FBXO17: variants seen among roughly 807,000 people sequenced by gnomAD.
The protein encoded by FBXO17 is F-box protein 17.
In FBXO17, 43 loss-of-function variants were observed where a neutral mutation model predicts 34.1. That is an observed-to-expected ratio of 1.26 (90% CI 0.99 to 1.62). The LOEUF is 1.62. Among genes scored for constraint, FBXO17 ranks in the 40% most tolerant of loss-of-function variants. The probability of loss-of-function intolerance (pLI) is 0.00; values close to 1 mark genes in which losing one functional copy is unlikely to be tolerated. For missense variants in FBXO17, 424 were observed against 386.7 expected (o/e 1.10, Z -0.81); for synonymous variants, 169 against 166.0 (o/e 1.02, Z -0.14).
At chr19:38,954,418 T>A (rs959571707) in intron 1 of FBXO17, among the ~76,000 whole-genome samples, 1 of 149,704 alleles carries the variant, frequency 6.7e-6, no homozygotes, top group East Asian at 2.0e-4. Context: ...TACAGGCCTC[T>A]GCCACCACGC....
intron 1 of FBXO17, among the ~76,000 whole-genome samples, chr19:38,954,043 A>G (rs1430386761): frequency 6.6e-6 from 1 of 152,084 alleles, no homozygotes; most frequent in African/African-American, 2.4e-5. Context: ...GACAGGAGGA[A>G]GGAGGGGATC....
chr19:38,950,415 G>T (rs1975065936), intron 1 of FBXO17, 79 bp from the exon 2 acceptor site: 1 of 1,381,020 alleles, frequency 7.2e-7, no homozygotes, highest in East Asian at 3.0e-5. Flanking sequence ...AGGGCGCAAG[G>T]CCCCTGCTGC....
At chr19:38,964,662 G>A (rs1051465833) in intron 1 of FBXO17, among the ~76,000 whole-genome samples, 2 of 152,082 alleles carry the variant, frequency 1.3e-5, no homozygotes, top group African/African-American at 2.4e-5. Context: ...AGCTACTCGG[G>A]AGGCTGAGGT....
chr19:38,957,560 G>A (rs187243630), intron 1 of FBXO17, among the ~76,000 whole-genome samples: 3 of 152,272 alleles, frequency 2.0e-5, no homozygotes, highest in African/African-American at 7.2e-5. Flanking sequence ...TGGCCAGGCT[G>A]GTCTTGAATG....
At chr19:38,952,002 G>A in intron 1 of FBXO17, among the ~76,000 whole-genome samples, 1 of 150,128 alleles carries the variant, frequency 6.7e-6, no homozygotes, top group Non-Finnish European at 1.5e-5. Flanking sequence ...CCAGGCTGGA[G>A]TGCAGTGGCA....
chr19:38,962,190 C>CAA (rs1186919438), intron 1 of FBXO17, among the ~76,000 whole-genome samples: 17 of 132,518 alleles, frequency 1.3e-4, no homozygotes, highest in African/African-American at 4.1e-4. Context: ...AACTTCGTCT[C>CAA]AAAAAAAAAA....
chr19:38,960,328 T>C (rs1233897994), intron 1 of FBXO17, among the ~76,000 whole-genome samples: 1 of 151,484 alleles, frequency 6.6e-6, no homozygotes, highest in Non-Finnish European at 1.5e-5. Context: ...TGGGATCAGC[T>C]ATGCGGTCCT....
intron 1 of FBXO17, among the ~76,000 whole-genome samples, chr19:38,957,486 C>T (rs1450400505): frequency 6.6e-6 from 1 of 152,172 alleles, no homozygotes; most frequent in African/African-American, 2.4e-5. Context: ...GCTGGGATTA[C>T]AGGCACCTGC....
At chr19:38,950,387 C>T (rs993784271) in intron 1 of FBXO17, 51 bp from the exon 2 acceptor site, 28 of 1,390,068 alleles carry the variant, frequency 2.0e-5, no homozygotes, top group Admixed American at 3.5e-5. Flanking sequence ...AGGCCACCCC[C>T]TCCCTACCTT....
At chr19:38,954,943 A>G (rs1299950834) in intron 1 of FBXO17, among the ~76,000 whole-genome samples, 1 of 109,732 alleles carries the variant, frequency 9.1e-6, no homozygotes, top group African/African-American at 3.5e-5. Context: ...TATTATTATT[A>G]TTTTTGAGAC....
chr19:38,964,766 C>CAAAGAAAAAAAGA (rs1173541826), intron 1 of FBXO17, among the ~76,000 whole-genome samples: 12 of 151,362 alleles, frequency 7.9e-5, no homozygotes, highest in Admixed American at 2.0e-4. Flanking sequence ...GACCCCATTT[C>CAAAGAAAAAAAGA]AAAGAAAAAA....
intron 1 of FBXO17, among the ~76,000 whole-genome samples, chr19:38,974,978 T>C (rs1237194494): frequency 6.6e-6 from 1 of 152,194 alleles, no homozygotes; most frequent in Admixed American, 6.5e-5. Context: ...TTTCAAAATA[T>C]GGAGTAAATA....
chr19:38,974,702 G>A (rs1335108052), intron 1 of FBXO17, among the ~76,000 whole-genome samples: 1 of 152,026 alleles, frequency 6.6e-6, no homozygotes, highest in East Asian at 1.9e-4. Flanking sequence ...AGATACCAGA[G>A]GAATAAAAAG....
At chr19:38,966,321 G>GTGTGTGTGTGTGT (rs1568445631) in intron 1 of FBXO17, among the ~76,000 whole-genome samples, 13 of 149,566 alleles carry the variant, frequency 8.7e-5, no homozygotes, top group Admixed American at 3.3e-4. Flanking sequence ...GTGTGTGTGT[G>GTGTGTGTGTGTGT]GAGATGGGGT....
At chr19:38,947,863 C>G (rs972249170) in intron 3 of FBXO17, among the ~76,000 whole-genome samples, 1 of 151,722 alleles carries the variant, frequency 6.6e-6, no homozygotes, top group Admixed American at 6.6e-5. Context: ...CGTGCCCGGC[C>G]TTCAGTTTCC....
intron 3 of FBXO17, among the ~76,000 whole-genome samples, chr19:38,947,717 G>A (rs1975006651): frequency 6.6e-6 from 1 of 152,006 alleles, no homozygotes; most frequent in East Asian, 1.9e-4. Flanking sequence ...CTTTTCTTTT[G>A]AGTCAAGGTC....
Position 38,965,471 on chromosome 19 carries a change from G to C in FBXO17, c.-18+10115C>G, listed in dbSNP as rs1975307891. Among the ~76,000 whole-genome samples the C allele has an allele frequency of 2.0e-5, 3 of 151,858 alleles. No homozygotes were observed. The South Asian group carries it at 6.3e-4, about 32-fold the overall frequency. On this transcript the variant is annotated intron_variant, in intron 1 of 5. Transcript: ENST00000292852. The stretch of plus-strand genomic sequence containing the variant: ...GCCTCCTGAGTAACTGGGACTACAG[G>C]CGCCCACCACCACATCTGGCTAATT...
At chr19:38,946,695 C>A in intron 3 of FBXO17, 128 bp from the exon 4 acceptor site, 1 of 1,350,036 alleles carries the variant, frequency 7.4e-7, no homozygotes, top group Non-Finnish European at 1.0e-6. Flanking sequence ...TTTGCTCTAG[C>A]AGACCTGAAG....
At chr19:38,955,055 C>G (rs1050031848) in intron 1 of FBXO17, among the ~76,000 whole-genome samples, 1 of 151,262 alleles carries the variant, frequency 6.6e-6, no homozygotes, top group Non-Finnish European at 1.5e-5. Context: ...CTCAGCCTCC[C>G]GGGTAACTGA....
Sources: allele counts gnomAD v4.1 joint callset (sites outside exome capture counted in the v4.1 genomes callset), GRCh38; gene constraint gnomAD v4.1.1; transcripts MANE v1.5; gene names NCBI Gene and HGNC (gene_info 2026-07-23, HGNC 2026-07-21).